LRRTM2: variants seen among roughly 807,000 people sequenced by gnomAD.
LRRTM2 encodes leucine rich repeat transmembrane neuronal 2.
A neutral mutation model predicts 40.7 loss-of-function variants in LRRTM2; 14 were observed. That is an observed-to-expected ratio of 0.34 (90% CI 0.23 to 0.54). The LOEUF is 0.54. LRRTM2 is among the 20% of genes least tolerant of loss of function. LRRTM2 has a pLI of 0.92. For synonymous variants in LRRTM2, 223 were observed against 237.6 expected, an observed-to-expected ratio of 0.94 and a Z score of 0.57; for missense variants, 468 against 624.4, an observed-to-expected ratio of 0.75 and a Z score of 2.67.
At position 138,873,111 on chromosome 5, in the gene LRRTM2, A is replaced by G; in HGVS notation, c.1450T>C (p.Tyr484His). 1 of 1,613,980 alleles carries G rather than the reference A, an allele frequency of 6.2e-7. No homozygotes were observed. Among genetic ancestry groups the G allele is most frequent in the African/African-American group, 1.3e-5 (1 of 75,056 alleles). ...HMSNMSDQGP[Y>H]NEYEPTHEGP... is the part of the protein sequence containing the mutation. ...TCATGGGTGGGTTCATATTCATTAT[A>G]CGGTCCTTGGTCTGACATGTTTGAC... The change falls in exon 2 of 2, where the codon TAT becomes CAT. Residue 484 changes from tyrosine (Y) to histidine (H), a missense_variant. Coordinates refer to ENST00000274711, the MANE Select transcript of LRRTM2 (RefSeq NM_015564.3). The surrounding 1 kb of genome is among the most constrained non-coding windows in gnomAD (Gnocchi z 6.1).
In LRRTM2 at chr5:138,874,836, T is replaced by A. The variant is rs191501116; in HGVS notation, c.4+72A>T. ...TGATGGTGATTTCCCTCATAAAATGTGAATTCGGTAGCTTATTTTAAAAGC... is the reference window on the plus strand; with the variant it reads ...TGATGGTGATTTCCCTCATAAAATGAGAATTCGGTAGCTTATTTTAAAAGC... On this transcript the variant is annotated intron_variant, in intron 1 of 1. Transcript: ENST00000274711. The surrounding 1 kb of genome is among the most constrained non-coding windows in gnomAD (Gnocchi z 4.1). The A allele has an allele frequency of 1.0e-4, 143 of 1,426,238 alleles. No individual in the cohort carries two copies. The highest frequency in any genetic ancestry group is 1.3e-4 in the Non-Finnish European group (135 of 1,021,244). The allele number at this position is 1,426,238 out of a possible 1,614,324, so 88.3% of individuals were successfully genotyped here.
In LRRTM2 at chr5:138,873,337, C is replaced by T. The variant is rs763227727; in HGVS notation, c.1224G>A (p.Glu408=). Residue 408 remains glutamate (E), a synonymous_variant, in exon 2 of 2, where the codon GAG becomes GAA. Transcript: ENST00000274711. This position sits in a 1 kb window ranked among gnomAD's most constrained non-coding sequence, Gnocchi z 6.1. ...PTTAGIAVTT[E]EHFPEPDNAI... The stretch of plus-strand genomic sequence containing the variant: ...CATTGTCTGGTTCAGGAAAGTGTTC[C>T]TCGGTAGTAACTGCTATGCCTGCAG... The T allele has an allele frequency of 1.9e-6, 3 of 1,613,896 alleles. No homozygotes were observed. In the East Asian group the frequency reaches 6.7e-5, roughly 36 times the overall value.
Position 138,870,726 on chromosome 5 carries a change from T to C in LRRTM2, c.*2284A>G, listed in dbSNP as rs374954530. 6.6e-6 allele frequency: 1 copy of C among 152,248 alleles called. No individual in the cohort carries two copies. The highest frequency in any genetic ancestry group is 2.4e-5 in the African/African-American group (1 of 41,468). The allele number at this position is 152,248 out of a possible 1,614,324, so 9.4% of individuals were successfully genotyped here. On this transcript the variant is annotated 3_prime_UTR_variant, in exon 2 of 2. Transcript: ENST00000274711. ...GTGTGCTCAGGACACAGTTGTGTTG[T>C]GACCAAGCTGTCTGTCACCTGACAA... is the stretch of plus-strand genomic sequence containing the variant.
chr5:138,873,921 G>C lies in LRRTM2; in HGVS notation c.640C>G (p.His214Asp), dbSNP rs780099169. 2.7e-5 allele frequency: 44 copies of C among 1,613,886 alleles called. No individual in the cohort carries two copies. Among genetic ancestry groups the C allele is most frequent in the Non-Finnish European group, 3.3e-5 (39 of 1,179,910 alleles). ...LIKLRELHLE[H>D]NQLTKINFAH... ...AAATTAATCTTCGTCAGCTGGTTGT[G>C]CTCTAGGTGAAGCTCTCTCAGTTTA... Residue 214 changes from histidine to aspartate, a missense_variant, in exon 2 of 2, where the codon CAC becomes GAC. Coordinates refer to ENST00000274711, the MANE Select transcript of LRRTM2 (RefSeq NM_015564.3). This position sits in a 1 kb window ranked among gnomAD's most constrained non-coding sequence, Gnocchi z 6.1.
rs2149915976 is a variant in LRRTM2 at position 138,870,286 on chromosome 5, A to G, written c.*2724T>C. ...CAAACCTGTGCTGATTCTGAAACAC[A>G]AATGGACAAAAATGAAAGAAAATCT... On this transcript the variant is annotated 3_prime_UTR_variant, in exon 2 of 2. Transcript: ENST00000274711. The G allele has an allele frequency of 6.6e-6, 1 of 152,384 alleles. No homozygotes were observed. The highest frequency in any genetic ancestry group is 2.4e-5 in the African/African-American group (1 of 41,606). The allele number at this position is 152,384 out of a possible 1,614,324, so 9.4% of individuals were successfully genotyped here.
chr5:138,871,778 C>G lies in LRRTM2; in HGVS notation c.*1232G>C, dbSNP rs563430353. Reference sequence around the variant, plus strand: ...AGTGGTGCTGTTTTCTTCACCTACACTGAACTACACTTACAGCGTGAATGC... The same window carrying G: ...AGTGGTGCTGTTTTCTTCACCTACAGTGAACTACACTTACAGCGTGAATGC... On this transcript the variant is annotated 3_prime_UTR_variant, in exon 2 of 2. Coordinates refer to ENST00000274711, the MANE Select transcript of LRRTM2 (RefSeq NM_015564.3). 59 of 152,362 alleles carry G rather than the reference C, an allele frequency of 3.9e-4. No individual in the cohort carries two copies. The highest frequency in any genetic ancestry group is 1.4e-3 in the African/African-American group (59 of 41,574). The allele number at this position is 152,362 out of a possible 1,614,324, so 9.4% of individuals were successfully genotyped here. A position where few individuals can be genotyped will look rare whatever the true frequency, so the allele number is the denominator to read the frequency against.
In LRRTM2 at chr5:138,874,795, C is replaced by G. The variant is rs1751124265; in HGVS notation, c.4+113G>C. On this transcript the variant is annotated intron_variant, in intron 1 of 1. Transcript: ENST00000274711. This position sits in a 1 kb window ranked among gnomAD's most constrained non-coding sequence, Gnocchi z 4.1. Reference sequence around the variant, plus strand: ...CATCGATATATGCTTTTACCTAAACCTCAAAATCCAAAATATGATGGTGAT... The same window carrying G: ...CATCGATATATGCTTTTACCTAAACGTCAAAATCCAAAATATGATGGTGAT... 1 of 1,114,798 alleles carries G rather than the reference C, an allele frequency of 9.0e-7. No homozygotes were observed. The highest frequency in any genetic ancestry group is 1.6e-5 in the African/African-American group (1 of 64,102). 69.1% of individuals were successfully genotyped at this position (1,114,798 alleles called of 1,614,324 possible). A position where few individuals can be genotyped will look rare whatever the true frequency, so the allele number is the denominator to read the frequency against.
Position 138,873,800 on chromosome 5 carries a change from G to A in LRRTM2, c.761C>T (p.Thr254Ile). 1 of 1,613,986 alleles carries A rather than the reference G, an allele frequency of 6.2e-7. No homozygotes were observed. Among genetic ancestry groups the A allele is most frequent in the Non-Finnish European group, 8.5e-7 (1 of 1,179,888 alleles). ...LTCGMEWTWGTLEKLDLTGNE... is the reference protein window; with the variant it reads ...LTCGMEWTWGILEKLDLTGNE... ...TCCAGTCAGGTCTAGCTTTTCTAAA[G>A]TGCCCCAGGTCCACTCCATCCCACA... is the stretch of plus-strand genomic sequence containing the variant. The change falls in exon 2 of 2, where the codon ACT becomes ATT. Residue 254 changes from threonine (T) to isoleucine (I), a missense_variant. Coordinates refer to ENST00000274711, the MANE Select transcript of LRRTM2 (RefSeq NM_015564.3). This position sits in a 1 kb window ranked among gnomAD's most constrained non-coding sequence, Gnocchi z 6.1.
Position 138,875,018 on chromosome 5 carries a change from T to G in LRRTM2, c.-107A>C. On this transcript the variant is annotated 5_prime_UTR_variant, in exon 1 of 2. Transcript: ENST00000274711. The stretch of plus-strand genomic sequence containing the variant: ...GGAGCCTTTGACCAGTTTCCTGTTT[T>G]CTGTGTCCCAGGCTTTCCAAGTAAA... 1.7e-6 allele frequency: 2 copies of G among 1,143,486 alleles called. No homozygotes were observed. Among genetic ancestry groups the G allele is most frequent in the African/African-American group, 1.5e-5 (1 of 65,188 alleles). 70.8% of individuals were successfully genotyped at this position (1,143,486 alleles called of 1,614,324 possible).
At position 138,873,539 on chromosome 5, in the gene LRRTM2, C is replaced by G. The variant is rs537690931; in HGVS notation, c.1022G>C (p.Ser341Thr). 7.4e-6 allele frequency: 12 copies of G among 1,613,866 alleles called. No individual in the cohort carries two copies. The African/African-American group carries it at 1.5e-4, about 20-fold the overall frequency. The change falls in exon 2 of 2, where the codon AGT becomes ACT. Residue 341 changes from serine (S) to threonine (T), a missense_variant. Coordinates refer to ENST00000274711, the MANE Select transcript of LRRTM2 (RefSeq NM_015564.3). The surrounding 1 kb of genome is among the most constrained non-coding windows in gnomAD (Gnocchi z 6.1). ...GRWEHSILCH[S>T]PDHTQGEDIL... The stretch of plus-strand genomic sequence containing the variant: ...ATCCTCTCCTTGGGTGTGGTCAGGA[C>G]TGTGGCATAGGATGGAGTGTTCCCA...
rs11744283 is a variant in LRRTM2, at chr5:138,873,715, G to T, written c.846C>A (p.Leu282=). Residue 282 remains leucine (L), a synonymous_variant, in exon 2 of 2, where the codon CTC becomes CTA. Coordinates refer to ENST00000274711, the MANE Select transcript of LRRTM2 (RefSeq NM_015564.3). This position sits in a 1 kb window ranked among gnomAD's most constrained non-coding sequence, Gnocchi z 6.1. ...TGTTTAACTTGTTGTTATCCATGAG[G>T]AGTATTTTAAGATTGGGCATCGTTT... ...VFETMPNLKI[L]LMDNNKLNSL... 0.025 allele frequency: 40,470 copies of T among 1,613,986 alleles called. 613 individuals are homozygous for T. Among genetic ancestry groups the T allele is most frequent in the Non-Finnish European group, 0.029 (34,536 of 1,179,866 alleles).
Position 138,872,065 on chromosome 5 carries a change from T to TGTGTGTGC in LRRTM2, c.*944_*945insGCACACAC, listed in dbSNP as rs1561618451. On this transcript the variant is annotated 3_prime_UTR_variant, in exon 2 of 2. Coordinates refer to ENST00000274711, the MANE Select transcript of LRRTM2 (RefSeq NM_015564.3). ...GTGTGTGTGTGTGTGTGTGTGTGTG[T>TGTGTGTGC]GTGCGCTTTTAAATTGGAGGGAGCA... is the stretch of plus-strand genomic sequence containing the variant. 1 of 73,708 alleles carries TGTGTGTGC rather than the reference T, an allele frequency of 1.4e-5. No individual in the cohort carries two copies. Among genetic ancestry groups the TGTGTGTGC allele is most frequent in the Non-Finnish European group, 3.0e-5 (1 of 32,824 alleles). 4.6% of individuals were successfully genotyped at this position (73,708 alleles called of 1,614,324 possible).
rs183535931 is a variant in LRRTM2 at position 138,874,333 on chromosome 5, G to A, written c.228C>T (p.Leu76=). Residue 76 remains leucine (L), a synonymous_variant, in exon 2 of 2, where the codon CTC becomes CTT. Transcript: ENST00000274711. This position sits in a 1 kb window ranked among gnomAD's most constrained non-coding sequence, Gnocchi z 4.1. Reference sequence around the variant, plus strand: ...TGAAGCTGGCAAATTGATCTCTTTCGAGCTCTGTGATGTGATTGTGCCTCA... The same window carrying A: ...TGAAGCTGGCAAATTGATCTCTTTCAAGCTCTGTGATGTGATTGTGCCTCA... ...LSLRHNHITE[L]ERDQFASFSQ... 2.1e-5 allele frequency: 34 copies of A among 1,613,892 alleles called. No homozygotes were observed. The East Asian group carries it at 4.2e-4, about 20-fold the overall frequency.
rs1561623966 is a variant in LRRTM2, at chr5:138,874,495, C to G, written c.66G>C (p.Met22Ile). 1 of 1,609,896 alleles carries G rather than the reference C, an allele frequency of 6.2e-7. No homozygotes were observed. ...PMLAAIYAMSMVLKMLPALGM... is the reference protein window; with the variant it reads ...PMLAAIYAMSIVLKMLPALGM... ...CCAGGGCAGGCAGCATTTTTAAAAC[C>G]ATACTCATTGCATATATTGCTGCCA... is the stretch of plus-strand genomic sequence containing the variant. The change falls in exon 2 of 2, where the codon ATG becomes ATC. Residue 22 changes from methionine to isoleucine, a missense_variant. Coordinates refer to ENST00000274711, the MANE Select transcript of LRRTM2 (RefSeq NM_015564.3). The surrounding 1 kb of genome is among the most constrained non-coding windows in gnomAD (Gnocchi z 4.1).
In LRRTM2 at chr5:138,873,847, C is replaced by T; in HGVS notation, c.714G>A (p.Trp238Ter). 1 of 1,614,012 alleles carries T rather than the reference C, an allele frequency of 6.2e-7. No homozygotes were observed. Among genetic ancestry groups the T allele is most frequent in the Non-Finnish European group, 8.5e-7 (1 of 1,179,896 alleles). The change falls in exon 2 of 2, where the codon TGG (tryptophan) becomes TGA (stop). Residue 238 changes from tryptophan to a stop codon, truncating the protein, a stop_gained. Transcript: ENST00000274711. LOFTEE classifies it high-confidence loss of function. This position sits in a 1 kb window ranked among gnomAD's most constrained non-coding sequence, Gnocchi z 6.1. ...LSSLHTLFLQ[W>*]NKISNLTCGM... ...CACATGTCAAGTTGCTGATTTTGTTCCATTGTAAGAAGAGCGTGTGCAGAC... is the reference window on the plus strand; with the variant it reads ...CACATGTCAAGTTGCTGATTTTGTTTCATTGTAAGAAGAGCGTGTGCAGAC...
chr5:138,874,234 A>G lies in LRRTM2; in HGVS notation c.327T>C (p.Tyr109=). The G allele has an allele frequency of 6.2e-7, 1 of 1,614,028 alleles. No homozygotes were observed. Among genetic ancestry groups the G allele is most frequent in the Non-Finnish European group, 8.5e-7 (1 of 1,179,874 alleles). ...TVKEDAFQGL[Y]KLKELILSSN... Reference sequence around the variant, plus strand: ...AACTTAAGATTAATTCCTTAAGTTTATATAGTCCTTGAAAAGCATCTTCTT... The same window carrying G: ...AACTTAAGATTAATTCCTTAAGTTTGTATAGTCCTTGAAAAGCATCTTCTT... Residue 109 remains tyrosine (Y), a synonymous_variant, in exon 2 of 2, where the codon TAT becomes TAC. Coordinates refer to ENST00000274711, the MANE Select transcript of LRRTM2 (RefSeq NM_015564.3). This position sits in a 1 kb window ranked among gnomAD's most constrained non-coding sequence, Gnocchi z 4.1.
Position 138,873,420 on chromosome 5 carries a change from A to G in LRRTM2, c.1141T>C (p.Tyr381His), listed in dbSNP as rs1254144720. 4.3e-6 allele frequency: 7 copies of G among 1,613,994 alleles called. No individual in the cohort carries two copies. Among genetic ancestry groups the G allele is most frequent in the Non-Finnish European group, 5.9e-6 (7 of 1,179,894 alleles). Residue 381 changes from tyrosine (Y) to histidine (H), a missense_variant, in exon 2 of 2, where the codon TAT (tyrosine) becomes CAT (histidine). Physicochemically the swap from Tyr to His is moderately conservative, Grantham distance 83. Coordinates refer to ENST00000274711, the MANE Select transcript of LRRTM2 (RefSeq NM_015564.3). This position sits in a 1 kb window ranked among gnomAD's most constrained non-coding sequence, Gnocchi z 6.1. ...CTTGATGAGCTTATTCTTTTTGTAT[A>G]TTCAGTGGTTGGATCTCTATAAGTT... is the stretch of plus-strand genomic sequence containing the variant. ...ATTYRDPTTE[Y>H]TKRISSSSYH...
chr5:138,873,861 G>A lies in LRRTM2; in HGVS notation c.700C>T (p.Leu234Phe). ...CTGATTTTGTTCCATTGTAAGAAGA[G>A]CGTGTGCAGACTGCTTAGCCGTAGG... ...HFLRLSSLHT[L>F]FLQWNKISNL... is the part of the protein sequence containing the mutation. Residue 234 changes from leucine (L) to phenylalanine (F), a missense_variant, in exon 2 of 2, where the codon CTC becomes TTC. Coordinates refer to ENST00000274711, the MANE Select transcript of LRRTM2 (RefSeq NM_015564.3). The surrounding 1 kb of genome is among the most constrained non-coding windows in gnomAD (Gnocchi z 6.1). 6.2e-7 allele frequency: 1 copy of A among 1,614,024 alleles called. No homozygotes were observed. Among genetic ancestry groups the A allele is most frequent in the Non-Finnish European group, 8.5e-7 (1 of 1,179,892 alleles).
At position 138,874,314 on chromosome 5, in the gene LRRTM2, T is replaced by C. The variant is rs1258098078; in HGVS notation, c.247A>G (p.Ser83Gly). Residue 83 changes from serine to glycine, a missense_variant, in exon 2 of 2, where the codon AGC (serine) becomes GGC (glycine). Ser to Gly is a moderately conservative substitution (Grantham distance 56). Transcript: ENST00000274711. This position sits in a 1 kb window ranked among gnomAD's most constrained non-coding sequence, Gnocchi z 4.1. ...TGGAGCCAAGTAAGTTGACTGAAGC[T>C]GGCAAATTGATCTCTTTCGAGCTCT... ...ITELERDQFASFSQLTWLHLD... is the reference protein window; with the variant it reads ...ITELERDQFAGFSQLTWLHLD... 3 of 1,614,072 alleles carry C rather than the reference T, an allele frequency of 1.9e-6. No homozygotes were observed. Among genetic ancestry groups the C allele is most frequent in the Admixed American group, 1.7e-5 (1 of 60,030 alleles).
Sources: allele counts gnomAD v4.1 joint callset, GRCh38; gene constraint gnomAD v4.1.1; non-coding constraint Gnocchi (gnomAD v3.1); transcripts MANE v1.5; gene names NCBI Gene and HGNC (gene_info 2026-07-23, HGNC 2026-07-21).